Variants in DOCK10 observed in about 807,000 individuals in gnomAD.
DOCK10 encodes dedicator of cytokinesis 10.
DOCK10 carries 145 observed loss-of-function variants against 280.1 expected under a neutral mutation model. The ratio of observed to expected loss-of-function variants is 0.52; its 90% CI spans 0.45 to 0.59. The LOEUF (loss-of-function observed/expected upper bound fraction) is 0.59, where lower values mean the gene tolerates loss of function less well. DOCK10 is among the 20% of genes least tolerant of loss of function. The pLI is 0.00. For missense variants in DOCK10, 2,368 were observed against 2,651.7 expected, an observed-to-expected ratio of 0.89 and a Z score of 2.35; for synonymous variants, 915 against 942.2, an observed-to-expected ratio of 0.97 and a Z score of 0.53.
At chr2:224,861,878 G>A (rs948332838) in intron 14 of DOCK10, 4 of 152,248 alleles carry the variant, frequency 2.6e-5, no homozygotes, top group Admixed American at 2.6e-4. Flanking sequence ...TTACAGGCGT[G>A]AGCTACCATG....
intron 1 of DOCK10, among the ~76,000 whole-genome samples, chr2:224,984,629 TA>T (rs34534710): frequency 0.79 from 119,635 of 152,104 alleles, 47,918 homozygotes; most frequent in African/African-American, 0.95. Flanking sequence ...GGACAAGAAA[TA>T]AAAAAGATGA....
At chr2:224,869,989 T>C (rs1698165976) in intron 11 of DOCK10, among the ~76,000 whole-genome samples, 1 of 152,218 alleles carries the variant, frequency 6.6e-6, no homozygotes, top group Admixed American at 6.5e-5. Context: ...TTTGAGGTAA[T>C]GATATGATTT....
chr2:225,002,160 T>C (rs1706448178), intron 1 of DOCK10, among the ~76,000 whole-genome samples: 1 of 152,174 alleles, frequency 6.6e-6, no homozygotes, highest in Non-Finnish European at 1.5e-5. Context: ...TGAAAGGCTA[T>C]GTGGCTCACG....
intron 47 of DOCK10, 94 bp from the exon 48 acceptor site, chr2:224,789,264 G>A: frequency 1.4e-6 from 1 of 729,264 alleles, no homozygotes; most frequent in East Asian, 2.7e-5. Context: ...CCAAGTGGTA[G>A]TATTACAAAG....
chr2:224,934,543 G>A (rs1414712398), intron 1 of DOCK10, among the ~76,000 whole-genome samples: 1 of 152,224 alleles, frequency 6.6e-6, no homozygotes, highest in Non-Finnish European at 1.5e-5. Flanking sequence ...ACACATCTGT[G>A]ATGGCGAGAA....
At chr2:224,966,278 T>C (rs2126189748) in intron 1 of DOCK10, among the ~76,000 whole-genome samples, 1 of 151,190 alleles carries the variant, frequency 6.6e-6, no homozygotes, top group Admixed American at 6.6e-5. Context: ...AAAGCACAAT[T>C]GGATGGTGCC....
intron 31 of DOCK10, 69 bp downstream of exon 31, chr2:224,814,251 A>T: frequency 1.1e-6 from 1 of 944,410 alleles, no homozygotes; most frequent in Non-Finnish European, 1.5e-6. Flanking sequence ...AGAAACTGGA[A>T]ATTTATAGTT....
At chr2:224,922,524 A>G (rs970619811) in intron 2 of DOCK10, among the ~76,000 whole-genome samples, 1 of 152,224 alleles carries the variant, frequency 6.6e-6, no homozygotes, top group Non-Finnish European at 1.5e-5. Flanking sequence ...ATTTGGAAAT[A>G]AAAACTGTCC....
rs568204163 is a variant in DOCK10, at chr2:224,985,940, G to A, written c.124-54272C>T. On this transcript the variant is annotated intron_variant, in intron 1 of 55. Coordinates refer to ENST00000258390, the MANE Select transcript of DOCK10 (RefSeq NM_014689.3). ...TAAATAATGTCCATTGAAAGTGTTG[G>A]ACCTTCCCAGCTTTGTTAAATTATG... 3.9e-5 allele frequency among the ~76,000 whole-genome samples: 6 copies of A among 152,268 alleles called. No homozygotes were observed. In the South Asian group the frequency reaches 8.3e-4, roughly 21 times the overall value.
intron 4 of DOCK10, among the ~76,000 whole-genome samples, chr2:224,887,408 T>C (rs1699372604): frequency 6.6e-6 from 1 of 152,178 alleles, no homozygotes; most frequent in Admixed American, 6.5e-5. Context: ...TTCCATGGTA[T>C]CCTAGAAATG....
intron 27 of DOCK10, among the ~76,000 whole-genome samples, chr2:224,827,844 A>G (rs1262076224): frequency 6.6e-6 from 1 of 152,210 alleles, no homozygotes; most frequent in Non-Finnish European, 1.5e-5. Flanking sequence ...AAGGTCCAGC[A>G]AGCCATTTCT....
intron 14 of DOCK10, chr2:224,861,001 GGAA>G (rs1378084752): frequency 2.0e-5 from 3 of 152,128 alleles, no homozygotes; most frequent in Non-Finnish European, 4.4e-5. Context: ...TTGTTATACT[GGAA>G]TATTTCACAA....
At position 224,805,283 on chromosome 2, in the gene DOCK10, C is replaced by A; in HGVS notation, c.3974G>T (p.Arg1325Leu). 1 of 1,612,970 alleles carries A rather than the reference C, an allele frequency of 6.2e-7. No individual in the cohort carries two copies. Among genetic ancestry groups the A allele is most frequent in the Non-Finnish European group, 8.5e-7 (1 of 1,179,342 alleles). Residue 1325 changes from arginine to leucine, a missense_variant, in exon 36 of 56, where the codon CGA (arginine) becomes CTA (leucine). Arg to Leu is a moderately radical substitution (Grantham distance 102, BLOSUM62 -2). This residue lies in a region of DOCK10 where 1,159 missense variants were observed against 1,400.8 expected (regional missense o/e 0.83). Coordinates refer to ENST00000258390, the MANE Select transcript of DOCK10 (RefSeq NM_014689.3). The surrounding 1 kb of genome is among the most constrained non-coding windows in gnomAD (Gnocchi z 4.3). The stretch of plus-strand genomic sequence containing the variant: ...TTCTGCTTGATCTAACTTGTCAAAT[C>A]GAAGAGTTGAGCCAATCAAAGACAA... ...RPLSLIGSTLRFDKLDQAETR... is the reference protein window; with the variant it reads ...RPLSLIGSTLLFDKLDQAETR...
At chr2:224,905,590 C>T (rs955601440) in intron 3 of DOCK10, among the ~76,000 whole-genome samples, 2 of 152,190 alleles carry the variant, frequency 1.3e-5, no homozygotes, top group Non-Finnish European at 2.9e-5. Context: ...GGGCACTCTG[C>T]CTGAAGAATT....
chr2:224,934,022 C>T (rs1702545757), intron 1 of DOCK10, among the ~76,000 whole-genome samples: 1 of 152,064 alleles, frequency 6.6e-6, no homozygotes, highest in Non-Finnish European at 1.5e-5. Context: ...TCAGAGCTCC[C>T]AAGTCACAAG....
At chr2:224,948,253 T>C (rs1703537827) in intron 1 of DOCK10, among the ~76,000 whole-genome samples, 1 of 152,248 alleles carries the variant, frequency 6.6e-6, no homozygotes, top group Admixed American at 6.5e-5. Context: ...TATTCCTGTC[T>C]TAGCATGCAG....
chr2:224,929,521 C>T (rs1030993614), intron 2 of DOCK10, among the ~76,000 whole-genome samples: 1 of 152,096 alleles, frequency 6.6e-6, no homozygotes, highest in African/African-American at 2.4e-5. Flanking sequence ...GGGCAAGGAC[C>T]ACATCTCGAA....
At chr2:224,994,195 T>G (rs1706205209) in intron 1 of DOCK10, among the ~76,000 whole-genome samples, 1 of 152,182 alleles carries the variant, frequency 6.6e-6, no homozygotes, top group Non-Finnish European at 1.5e-5. Flanking sequence ...AGCTTCAAAA[T>G]CAAGTTTAAT....
intron 1 of DOCK10, among the ~76,000 whole-genome samples, chr2:224,992,144 G>A (rs563297006): frequency 3.0e-4 from 46 of 152,236 alleles, no homozygotes; most frequent in African/African-American, 1.1e-3. Flanking sequence ...TCAAGAGTTA[G>A]CTATGTGAAA....
Sources: gnomAD v4.1 joint callset for allele counts (sites outside exome capture counted in the v4.1 genomes callset) on GRCh38, gnomAD v4.1.1 for gene constraint, gnomAD v4.1.1 regional missense constraint, Gnocchi (gnomAD v3.1) non-coding constraint, MANE v1.5 for transcripts, NCBI Gene and HGNC (gene_info 2026-07-23, HGNC 2026-07-21) for gene names.